Variants in SLC9A9 observed in about 807,000 individuals in gnomAD.
SLC9A9 encodes solute carrier family 9 member A9, also known as sodium/hydrogen exchanger 9.
SLC9A9 carries 62 observed loss-of-function variants against 77.8 expected under a neutral mutation model. The observed-to-expected ratio is 0.80, with a 90% CI of 0.65 to 0.98. The LOEUF (loss-of-function observed/expected upper bound fraction) is 0.98. Among genes scored for constraint, SLC9A9 ranks in the 50% least tolerant of loss-of-function variants. The probability of loss-of-function intolerance (pLI) is 0.00; values close to 1 mark genes in which losing one functional copy is unlikely to be tolerated. For missense variants in SLC9A9, 775 were observed against 774.9 expected (o/e 1.00, Z 0.00); for synonymous variants, 320 against 283.5 (o/e 1.13, Z -1.29).
intron 6 of SLC9A9, among the ~76,000 whole-genome samples, chr3:143,648,425 G>A (rs1014053828): frequency 1.3e-5 from 2 of 152,130 alleles, no homozygotes; most frequent in Non-Finnish European, 2.9e-5. Flanking sequence ...GGTTTGCGCT[G>A]CTAGGAGAAT....
chr3:143,696,598 G>T (rs1020310678), intron 4 of SLC9A9, among the ~76,000 whole-genome samples: 2 of 152,076 alleles, frequency 1.3e-5, no homozygotes, highest in South Asian at 4.1e-4. Context: ...ACTTCACCTT[G>T]GCCCTTTGTC....
intron 9 of SLC9A9, among the ~76,000 whole-genome samples, chr3:143,518,517 G>A (rs548069840): frequency 3.9e-5 from 6 of 152,172 alleles, no homozygotes; most frequent in Non-Finnish European, 7.4e-5. Context: ...CGTGTCCACC[G>A]CTGCAGTAAT....
At chr3:143,467,646 C>A (rs1306809141) in intron 11 of SLC9A9, among the ~76,000 whole-genome samples, 3 of 151,722 alleles carry the variant, frequency 2.0e-5, no homozygotes, top group African/African-American at 7.3e-5. Flanking sequence ...TCGAAAGGAT[C>A]ACTTAAGCCC....
chr3:143,663,530 G>A (rs1022161790), intron 5 of SLC9A9, among the ~76,000 whole-genome samples: 1 of 152,178 alleles, frequency 6.6e-6, no homozygotes. Flanking sequence ...AGCTAAAGGT[G>A]GACGTTTGAA....
intron 9 of SLC9A9, among the ~76,000 whole-genome samples, chr3:143,544,559 T>C (rs2036751814): frequency 6.6e-6 from 1 of 152,184 alleles, no homozygotes; most frequent in African/African-American, 2.4e-5. Context: ...TTATAGATTC[T>C]AGTATTAGAT....
At chr3:143,753,294 C>T (rs1243656411) in intron 4 of SLC9A9, among the ~76,000 whole-genome samples, 2 of 152,184 alleles carry the variant, frequency 1.3e-5, no homozygotes, top group Non-Finnish European at 2.9e-5. Context: ...TATCACTTTG[C>T]TCACACTAAA....
At chr3:143,725,193 T>C (rs1464908792) in intron 4 of SLC9A9, among the ~76,000 whole-genome samples, 2 of 152,160 alleles carry the variant, frequency 1.3e-5, no homozygotes, top group Non-Finnish European at 1.5e-5. Flanking sequence ...TGGCACATAG[T>C]TCACACCAGT....
chr3:143,500,697 C>T (rs1576538652), intron 9 of SLC9A9, among the ~76,000 whole-genome samples: 1 of 151,902 alleles, frequency 6.6e-6, no homozygotes, highest in Non-Finnish European at 1.5e-5. Context: ...TTGTCAGTAC[C>T]TCCTACCTCC....
At chr3:143,722,199 C>A (rs933757721) in intron 4 of SLC9A9, among the ~76,000 whole-genome samples, 2 of 152,084 alleles carry the variant, frequency 1.3e-5, no homozygotes, top group African/African-American at 4.8e-5. Context: ...ATTGGCCGGG[C>A]GCGGTGGCTC....
intron 1 of SLC9A9, among the ~76,000 whole-genome samples, chr3:143,841,622 C>T (rs1302232332): frequency 6.6e-6 from 1 of 152,106 alleles, no homozygotes; most frequent in Non-Finnish European, 1.5e-5. Flanking sequence ...ATTCATTAGC[C>T]TTTCAAACAC....
At chr3:143,309,078 T>C (rs2030923600) in intron 14 of SLC9A9, among the ~76,000 whole-genome samples, 1 of 152,210 alleles carries the variant, frequency 6.6e-6, no homozygotes, top group Non-Finnish European at 1.5e-5. Context: ...TCTTCCTCCC[T>C]AGGCTTGCTA....
intron 14 of SLC9A9, among the ~76,000 whole-genome samples, chr3:143,357,667 T>C (rs2032630184): frequency 6.6e-6 from 1 of 152,202 alleles, no homozygotes; most frequent in Non-Finnish European, 1.5e-5. Context: ...CAGCCTGTTC[T>C]ACTGTTGATT....
intron 6 of SLC9A9, among the ~76,000 whole-genome samples, chr3:143,594,140 A>C (rs1180921721): frequency 6.6e-6 from 1 of 152,226 alleles, no homozygotes; most frequent in African/African-American, 2.4e-5. Flanking sequence ...AGAAAAAAAA[A>C]ATTTCTGGCT....
intron 7 of SLC9A9, among the ~76,000 whole-genome samples, chr3:143,576,990 G>A (rs2037370512): frequency 6.6e-6 from 1 of 152,116 alleles, no homozygotes; most frequent in South Asian, 2.1e-4. Context: ...AAGTCTTAGA[G>A]ATTTTTCCTT....
rs528981407 is a variant in SLC9A9 at position 143,679,004 on chromosome 3, T to C, written c.649+14188A>G. Among the ~76,000 whole-genome samples, 16 of 151,438 alleles carry C rather than the reference T, an allele frequency of 1.1e-4. No individual in the cohort carries two copies. The South Asian group carries it at 2.5e-3, about 24-fold the overall frequency. ...AAATCCCCAGGGAGAAGGAGCACTG[T>C]TTTGGATTGATGTGTGTGGGAAAGA... is the stretch of plus-strand genomic sequence containing the variant. On this transcript the variant is annotated intron_variant, in intron 5 of 15. Coordinates refer to ENST00000316549, the MANE Select transcript of SLC9A9 (RefSeq NM_173653.4).
intron 6 of SLC9A9, among the ~76,000 whole-genome samples, chr3:143,606,455 T>C (rs902203434): frequency 1.4e-5 from 2 of 144,596 alleles, no homozygotes; most frequent in African/African-American, 5.0e-5. Flanking sequence ...TATATATATA[T>C]ATATATGTAT....
At chr3:143,744,948 G>A (rs562366939) in intron 4 of SLC9A9, among the ~76,000 whole-genome samples, 2 of 152,274 alleles carry the variant, frequency 1.3e-5, no homozygotes, top group South Asian at 4.2e-4. Flanking sequence ...GAATGCAGAG[G>A]TAGGCATTCA....
At chr3:143,670,715 A>C (rs972271277) in intron 5 of SLC9A9, among the ~76,000 whole-genome samples, 2 of 152,102 alleles carry the variant, frequency 1.3e-5, no homozygotes, top group African/African-American at 2.4e-5. Flanking sequence ...AGCTGCCTGG[A>C]TTACCTCTGT....
chr3:143,271,574 CT>C (rs1256867603), intron 14 of SLC9A9, among the ~76,000 whole-genome samples: 1 of 152,154 alleles, frequency 6.6e-6, no homozygotes, highest in Admixed American at 6.5e-5. Flanking sequence ...GAGATAAGAG[CT>C]TTGTGCTCCA....
Sources: gnomAD v4.1 joint callset for allele counts (sites outside exome capture counted in the v4.1 genomes callset) on GRCh38, gnomAD v4.1.1 for gene constraint, MANE v1.5 for transcripts, NCBI Gene and HGNC (gene_info 2026-07-23, HGNC 2026-07-21) for gene names.